LARGE1: variants seen among roughly 807,000 people sequenced by gnomAD.
The protein encoded by LARGE1 is LARGE xylosyl- and glucuronyltransferase 1, also known as xylosyl- and glucuronyltransferase LARGE1.
Under a neutral mutation model 87.6 loss-of-function variants are expected in LARGE1, and 43 were observed. That is an observed-to-expected ratio of 0.49 (90% CI 0.38 to 0.63). The LOEUF (loss-of-function observed/expected upper bound fraction) is 0.63. Among genes scored for constraint, LARGE1 ranks in the 30% least tolerant of loss-of-function variants. The pLI, the probability that LARGE1 is intolerant of heterozygous loss-of-function variation, is 0.00. For missense variants in LARGE1, 802 were observed against 1,000.2 expected (o/e 0.80, Z 2.67); for synonymous variants, 434 against 394.6 (o/e 1.10, Z -1.18).
chr22:33,336,555 G>C (rs1938468839), intron 10 of LARGE1, among the ~76,000 whole-genome samples: 1 of 152,104 alleles, frequency 6.6e-6, no homozygotes, highest in Admixed American at 6.5e-5. Flanking sequence ...CACAGAGGTT[G>C]AGTCACTTAT....
At chr22:33,815,309 T>TGCA (rs2086617927) in intron 1 of LARGE1, among the ~76,000 whole-genome samples, 1 of 152,226 alleles carries the variant, frequency 6.6e-6, no homozygotes, top group Non-Finnish European at 1.5e-5. Flanking sequence ...CCTCACAGTC[T>TGCA]GCACCCTTAT....
intron 11 of LARGE1, among the ~76,000 whole-genome samples, chr22:33,222,985 C>T: frequency 6.6e-6 from 1 of 152,176 alleles, no homozygotes; most frequent in East Asian, 1.9e-4. Context: ...TTTTTCTCAC[C>T]TGCTCGCTTA....
At chr22:33,809,342 T>C (rs4820113) in intron 1 of LARGE1, among the ~76,000 whole-genome samples, 30,472 of 152,084 alleles carry the variant, frequency 0.2, 3,631 homozygotes, top group Admixed American at 0.34. Flanking sequence ...GGAGCTACCA[T>C]TTATACTTAT....
intron 10 of LARGE1, among the ~76,000 whole-genome samples, chr22:33,324,560 G>C (rs11913136): frequency 0.014 from 2,174 of 152,296 alleles, 51 homozygotes; most frequent in African/African-American, 0.049. Flanking sequence ...AGCTGAGGCA[G>C]AGGGAAATTT....
intron 9 of LARGE1, among the ~76,000 whole-genome samples, chr22:33,374,250 G>A (rs530398136): frequency 2.6e-5 from 4 of 152,188 alleles, no homozygotes; most frequent in South Asian, 2.1e-4. Flanking sequence ...TCATCAGGTC[G>A]ACTACCTGGT....
intron 3 of LARGE1, among the ~76,000 whole-genome samples, chr22:33,642,824 A>G (rs552444961): frequency 6.6e-6 from 1 of 152,018 alleles, no homozygotes; most frequent in African/African-American, 2.4e-5. Flanking sequence ...CATAATGGTA[A>G]AGGGATCAAT....
At chr22:33,753,293 T>C (rs2084390836) in intron 2 of LARGE1, among the ~76,000 whole-genome samples, 1 of 151,990 alleles carries the variant, frequency 6.6e-6, no homozygotes, top group African/African-American at 2.4e-5. Flanking sequence ...GAAGGAGATA[T>C]AACAACAGAA....
At chr22:33,658,885 C>G (rs1218553486) in intron 2 of LARGE1, among the ~76,000 whole-genome samples, 1 of 152,188 alleles carries the variant, frequency 6.6e-6, no homozygotes, top group East Asian at 1.9e-4. Context: ...CCCAGACTCT[C>G]TAGATTCAAA....
chr22:33,720,837 C>T (rs753926824), intron 2 of LARGE1, among the ~76,000 whole-genome samples: 9 of 152,108 alleles, frequency 5.9e-5, no homozygotes, highest in South Asian at 2.1e-4. Context: ...TCTGGTGTCA[C>T]GGCAGAGATG....
chr22:33,333,475 G>T (rs1938013179), intron 10 of LARGE1, among the ~76,000 whole-genome samples: 1 of 152,160 alleles, frequency 6.6e-6, no homozygotes, highest in African/African-American at 2.4e-5. Context: ...AGCACAGTCA[G>T]GGCGCCTCCT....
chr22:33,746,221 G>A (rs990514558), intron 2 of LARGE1, among the ~76,000 whole-genome samples: 5 of 152,172 alleles, frequency 3.3e-5, no homozygotes, highest in Non-Finnish European at 4.4e-5. Context: ...CAGCCTGGGC[G>A]ACAGAGCAAG....
intron 9 of LARGE1, among the ~76,000 whole-genome samples, chr22:33,381,591 G>T (rs1046124997): frequency 6.6e-5 from 10 of 152,136 alleles, no homozygotes; most frequent in Non-Finnish European, 1.0e-4. Context: ...ACCTGGCACA[G>T]AGTAGGCCCT....
At chr22:33,261,340 G>A (rs1173569473) in intron 11 of LARGE1, among the ~76,000 whole-genome samples, 1 of 152,114 alleles carries the variant, frequency 6.6e-6, no homozygotes, top group East Asian at 1.9e-4. Flanking sequence ...CTTCCAGAGA[G>A]CAATGAGAAT....
intron 5 of LARGE1, among the ~76,000 whole-genome samples, chr22:33,585,072 G>A (rs549886020): frequency 1.3e-5 from 2 of 152,074 alleles, no homozygotes; most frequent in Admixed American, 6.6e-5. Flanking sequence ...AGCCGAGATC[G>A]CACCACTGCA....
chr22:33,742,891 CT>C (rs1203318607), intron 2 of LARGE1, among the ~76,000 whole-genome samples: 1 of 152,056 alleles, frequency 6.6e-6, no homozygotes, highest in Non-Finnish European at 1.5e-5. Flanking sequence ...AAGTCTGTAT[CT>C]TTGTCCCCTC....
chr22:33,493,634 A>G (rs1346043009), intron 6 of LARGE1, among the ~76,000 whole-genome samples: 1 of 152,180 alleles, frequency 6.6e-6, no homozygotes, highest in Non-Finnish European at 1.5e-5. Context: ...CAGCAACCCT[A>G]TGAAGTAGGC....
the LARGE1 span, among the ~76,000 whole-genome samples, chr22:33,091,559 C>CAAATAAATAAAT: frequency 0.11 from 16,024 of 140,346 alleles, 1,061 homozygotes; most frequent in Middle Eastern, 0.17. Context: ...GACTCCATCT[C>CAAATAAATAAAT]AAATAAATAA....
At chr22:33,337,598 T>C (rs1333646112) in intron 10 of LARGE1, 48 bp downstream of exon 10, 1 of 1,610,424 alleles carries the variant, frequency 6.2e-7, no homozygotes, top group Non-Finnish European at 8.5e-7. Flanking sequence ...CCTTGATGGA[T>C]GAGCAGAGAA....
intron 3 of LARGE1, among the ~76,000 whole-genome samples, chr22:33,642,977 TAGAC>T (rs1188669000): frequency 6.6e-6 from 1 of 152,126 alleles, no homozygotes; most frequent in Non-Finnish European, 1.5e-5. Flanking sequence ...TTGTCAGTAT[TAGAC>T]AGATCAATGA....
Sources: allele counts gnomAD v4.1 joint callset (sites outside exome capture counted in the v4.1 genomes callset), GRCh38; gene constraint gnomAD v4.1.1; transcripts MANE v1.5; gene names NCBI Gene and HGNC (gene_info 2026-07-23, HGNC 2026-07-21).